Variants in ANO10 observed in about 807,000 individuals in gnomAD.
ANO10 encodes the protein anoctamin 10.
A neutral mutation model predicts 74.7 loss-of-function variants in ANO10; 77 were observed. The ratio of observed to expected loss-of-function variants is 1.03; its 90% CI spans 0.86 to 1.25. The LOEUF is 1.25. Ranked by LOEUF, ANO10 falls within the 50% of genes most tolerant of loss-of-function variation. The pLI, the probability that ANO10 is intolerant of heterozygous loss-of-function variation, is 0.00. For missense variants in ANO10, 721 were observed against 778.1 expected (o/e 0.93, Z 0.87); for synonymous variants, 279 against 284.9 (o/e 0.98, Z 0.21).
chr3:43,500,618 A>G (rs904286660), intron 11 of ANO10, among the ~76,000 whole-genome samples: 1 of 152,204 alleles, frequency 6.6e-6, no homozygotes, highest in Non-Finnish European at 1.5e-5. Flanking sequence ...TGGTGGTATG[A>G]TCTCTTAAGC....
rs149556604 is a variant in ANO10 at position 43,410,194 on chromosome 3, G to A, written c.1914+22417C>T. ...AGAACAAGGATTTTGTACAAGTTTTGTTTAACTGTATTTTACTAAGAAGTT... is the reference window on the plus strand; with the variant it reads ...AGAACAAGGATTTTGTACAAGTTTTATTTAACTGTATTTTACTAAGAAGTT... On this transcript the variant is annotated intron_variant, in intron 12 of 12. Transcript: ENST00000292246. Among the ~76,000 whole-genome samples, 1,442 of 152,072 alleles carry A rather than the reference G, an allele frequency of 9.5e-3. 25 individuals are homozygous for A. Among genetic ancestry groups the A allele is most frequent in the Non-Finnish European group, 0.011 (748 of 67,986 alleles).
chr3:43,558,430 C>T (rs2079868693), intron 9 of ANO10, among the ~76,000 whole-genome samples: 1 of 152,054 alleles, frequency 6.6e-6, no homozygotes, highest in African/African-American at 2.4e-5. Context: ...GGAAGCAACA[C>T]AGCTTAGTCC....
At chr3:43,507,353 G>T (rs1408485285) in intron 11 of ANO10, among the ~76,000 whole-genome samples, 4 of 151,986 alleles carry the variant, frequency 2.6e-5, no homozygotes, top group Non-Finnish European at 4.4e-5. Flanking sequence ...GTTCAGCGAG[G>T]CTCAGGGACC....
In ANO10 at chr3:43,658,527, TGG is replaced by T. The variant is rs1484967187; in HGVS notation, c.-12+32988_-12+32989del. Among the ~76,000 whole-genome samples, 534 of 152,162 alleles carry T rather than the reference TGG, an allele frequency of 3.5e-3. 1 individual carries two copies. Among genetic ancestry groups the T allele is most frequent in the Non-Finnish European group, 4.7e-3 (319 of 68,004 alleles). On this transcript the variant is annotated intron_variant, in intron 1 of 3. Transcript: ENST00000413397. ...CACTGTTGCCCGGGCTGGAGTGCAG[TGG>T]TGCGATCTCAGCTCACTGCAACCTC...
Position 43,451,518 on chromosome 3 carries a change from G to A in ANO10, c.1798-18791C>T, listed in dbSNP as rs374090288. Among the ~76,000 whole-genome samples, 17 of 151,778 alleles carry A rather than the reference G, an allele frequency of 1.1e-4. 1 individual carries two copies. The highest frequency in any genetic ancestry group is 7.8e-4 in the East Asian group (4 of 5,146). On this transcript the variant is annotated intron_variant, in intron 11 of 12. Coordinates refer to ENST00000292246, the MANE Select transcript of ANO10 (RefSeq NM_018075.5). ...ACACTAGTCTCCATCTCAGAGTTTG[G>A]TTGCTGGGAAACCTGACCTGTGACA...
intron 11 of ANO10, among the ~76,000 whole-genome samples, chr3:43,467,368 A>T (rs567332287): frequency 6.6e-6 from 1 of 152,358 alleles, no homozygotes; most frequent in African/African-American, 2.4e-5. Context: ...GGGTGAATGG[A>T]TAAGAAATCT....
chr3:43,663,387 A>G (rs2083949979), intron 1 of ANO10, among the ~76,000 whole-genome samples: 1 of 152,236 alleles, frequency 6.6e-6, no homozygotes, highest in Non-Finnish European at 1.5e-5. Context: ...AATGGAACAT[A>G]TCTCAACATA....
chr3:43,460,442 G>T (rs2075327689), intron 11 of ANO10, among the ~76,000 whole-genome samples: 1 of 152,176 alleles, frequency 6.6e-6, no homozygotes, highest in African/African-American at 2.4e-5. Flanking sequence ...GAACTTTCTT[G>T]GGGTGGAAGG....
chr3:43,490,304 C>A (rs2076670766), intron 11 of ANO10, among the ~76,000 whole-genome samples: 1 of 152,164 alleles, frequency 6.6e-6, no homozygotes, highest in South Asian at 2.1e-4. Context: ...ATATTCCCTC[C>A]TGTTGCAATA....
chr3:43,549,243 C>T (rs546155956), intron 11 of ANO10, among the ~76,000 whole-genome samples: 1 of 149,228 alleles, frequency 6.7e-6, no homozygotes, highest in Non-Finnish European at 1.5e-5. Context: ...GCTAGGACTA[C>T]AAGAATGAAC....
Position 43,627,784 on chromosome 3 carries a change from A to G in ANO10, c.-11-21921T>C, listed in dbSNP as rs575034839. Reference sequence around the variant, plus strand: ...AAGAAACTGTTGTTTCTTCCATTATATCTTCTGATTAGTTGCTGCACATAT... The same window carrying G: ...AAGAAACTGTTGTTTCTTCCATTATGTCTTCTGATTAGTTGCTGCACATAT... On this transcript the variant is annotated intron_variant, in intron 1 of 3. Coordinates refer to the ANO10 transcript ENST00000413397. 3.5e-4 allele frequency among the ~76,000 whole-genome samples: 54 copies of G among 152,140 alleles called. 2 individuals are homozygous for G. The highest frequency in any genetic ancestry group is 1.3e-3 in the African/African-American group (52 of 41,528).
chr3:43,634,954 G>A (rs1454318362), intron 1 of ANO10, among the ~76,000 whole-genome samples: 1 of 152,138 alleles, frequency 6.6e-6, no homozygotes, highest in Non-Finnish European at 1.5e-5. Context: ...GAATAGTCAG[G>A]CATTCCAGGA....
intron 4 of ANO10, among the ~76,000 whole-genome samples, chr3:43,591,615 T>G (rs533516829): frequency 6.6e-6 from 1 of 152,054 alleles, no homozygotes; most frequent in Non-Finnish European, 1.5e-5. Flanking sequence ...AAGTAAACCA[T>G]GAGAGGTTCC....
chr3:43,638,901 G>A (rs2083640892), intron 1 of ANO10: 1 of 152,240 alleles, frequency 6.6e-6, no homozygotes, highest in Non-Finnish European at 1.5e-5. Flanking sequence ...AGTGGTTCTG[G>A]CTCAGAATTG....
intron 12 of ANO10, among the ~76,000 whole-genome samples, chr3:43,378,449 A>C (rs181458869): frequency 5.3e-5 from 8 of 152,300 alleles, no homozygotes; most frequent in Non-Finnish European, 8.8e-5. Flanking sequence ...AGAAAGTATA[A>C]ATGTTTCCCA....
intron 1 of ANO10, among the ~76,000 whole-genome samples, chr3:43,616,387 C>T (rs909272157): frequency 6.6e-6 from 1 of 152,110 alleles, no homozygotes; most frequent in African/African-American, 2.4e-5. Context: ...AACTTACCAG[C>T]CAATAAAGTC....
In ANO10 at chr3:43,595,484, C is replaced by A. The variant is rs528570393; in HGVS notation, c.472+3048G>T. ...ATGCCAATCAATAAACATAATCCAT[C>A]GTATAAACAGAACCAAAGACAAAAA... is the stretch of plus-strand genomic sequence containing the variant. On this transcript the variant is annotated intron_variant, in intron 4 of 12. Coordinates refer to ENST00000292246, the MANE Select transcript of ANO10 (RefSeq NM_018075.5). 2.0e-5 allele frequency among the ~76,000 whole-genome samples: 3 copies of A among 152,236 alleles called. No homozygotes were observed. In the South Asian group the frequency reaches 6.2e-4, roughly 32 times the overall value.
At chr3:43,667,949 A>C (rs1039376144) in intron 1 of ANO10, among the ~76,000 whole-genome samples, 4 of 152,176 alleles carry the variant, frequency 2.6e-5, no homozygotes, top group African/African-American at 9.7e-5. Context: ...CTTTGGGTAG[A>C]TACCCAGTAG....
intron 5 of ANO10, among the ~76,000 whole-genome samples, chr3:43,577,845 T>C (rs2081086228): frequency 1.3e-5 from 2 of 152,180 alleles, no homozygotes; most frequent in African/African-American, 2.4e-5. Flanking sequence ...ATGGAACACA[T>C]TTATCAACAC....
Sources: gnomAD v4.1 joint callset for allele counts (sites outside exome capture counted in the v4.1 genomes callset) on GRCh38, gnomAD v4.1.1 for gene constraint, MANE v1.5 for transcripts, NCBI Gene and HGNC (gene_info 2026-07-23, HGNC 2026-07-21) for gene names.